Variants in NRXN3 observed in about 807,000 individuals in gnomAD.
NRXN3 encodes neurexin III.
Under a neutral mutation model 137.6 loss-of-function variants are expected in NRXN3, and 32 were observed. The observed-to-expected ratio is 0.23, with a 90% CI of 0.18 to 0.31. NRXN3 has a LOEUF of 0.31. Ranked by LOEUF, NRXN3 falls within the 10% of genes least tolerant of loss-of-function variation. The pLI, the probability that NRXN3 is intolerant of heterozygous loss-of-function variation, is 1.00. For synonymous variants in NRXN3, 798 were observed against 784.5 expected, an observed-to-expected ratio of 1.02 and a Z score of -0.29; for missense variants, 1,574 against 2,062.5, an observed-to-expected ratio of 0.76 and a Z score of 4.59.
intron 10 of NRXN3, among the ~76,000 whole-genome samples, chr14:78,948,078 TG>T (rs2152935043): frequency 6.6e-6 from 1 of 152,290 alleles, no homozygotes; most frequent in African/African-American, 2.4e-5. Context: ...TGAGTTCCCT[TG>T]AGAGCAAAGC....
intron 4 of NRXN3, among the ~76,000 whole-genome samples, chr14:78,574,169 G>C (rs547359497): frequency 2.8e-4 from 43 of 152,352 alleles, no homozygotes; most frequent in African/African-American, 9.9e-4. Flanking sequence ...GCAGATGTAT[G>C]GGAATGCCTG....
intron 3 of NRXN3, among the ~76,000 whole-genome samples, chr14:78,291,020 A>G (rs1455014234): frequency 6.6e-6 from 1 of 152,236 alleles, no homozygotes; most frequent in South Asian, 2.1e-4. Context: ...GAAGACAGCC[A>G]TTTAAAAGGG....
chr14:78,299,464 TC>T, intron 4 of NRXN3, among the ~76,000 whole-genome samples: 1 of 6,294 alleles, frequency 1.6e-4, no homozygotes, highest in Non-Finnish European at 2.8e-4. Flanking sequence ...AATAAGCCCC[TC>T]CTACATTCTT....
At chr14:79,190,333 C>T (rs1046123152) in intron 15 of NRXN3, among the ~76,000 whole-genome samples, 1 of 152,020 alleles carries the variant, frequency 6.6e-6, no homozygotes, top group Non-Finnish European at 1.5e-5. Flanking sequence ...GTATCTATAT[C>T]TACTCTCTTT....
At chr14:79,453,431 C>T (rs541348917) in intron 15 of NRXN3, among the ~76,000 whole-genome samples, 1 of 152,334 alleles carries the variant, frequency 6.6e-6, no homozygotes, top group Non-Finnish European at 1.5e-5. Flanking sequence ...CACATGCAGA[C>T]TATGTTTTTC....
chr14:79,166,997 T>A (rs1477606169), intron 15 of NRXN3, among the ~76,000 whole-genome samples: 1 of 152,000 alleles, frequency 6.6e-6, no homozygotes, highest in Non-Finnish European at 1.5e-5. Flanking sequence ...AGTGGTGTTA[T>A]CCCTGGTATA....
At chr14:79,852,279 A>ACACC (rs1185327083) in intron 20 of NRXN3, among the ~76,000 whole-genome samples, 1 of 140,456 alleles carries the variant, frequency 7.1e-6, no homozygotes, top group Non-Finnish European at 1.5e-5. Flanking sequence ...ACACACACAC[A>ACACC]CCTCTCACAT....
At chr14:79,853,788 C>T in intron 20 of NRXN3, 1 of 1,000,974 alleles carries the variant, frequency 1.0e-6, no homozygotes, top group Non-Finnish European at 1.2e-6. Flanking sequence ...ATATATATAT[C>T]TGAAAACTTA....
At chr14:78,885,562 AG>A (rs2099141308) in intron 10 of NRXN3, among the ~76,000 whole-genome samples, 1 of 152,140 alleles carries the variant, frequency 6.6e-6, no homozygotes, top group South Asian at 2.1e-4. Context: ...TTGCAGTAAC[AG>A]TCTACCAGTT....
At chr14:78,240,022 T>A (rs779403914) in intron 1 of NRXN3, among the ~76,000 whole-genome samples, 4 of 152,224 alleles carry the variant, frequency 2.6e-5, no homozygotes, top group Non-Finnish European at 5.9e-5. Flanking sequence ...TTACTTAAAT[T>A]TCACCTTCTC....
At chr14:78,378,839 A>T (rs2088443380) in intron 4 of NRXN3, among the ~76,000 whole-genome samples, 1 of 152,180 alleles carries the variant, frequency 6.6e-6, no homozygotes, top group South Asian at 2.1e-4. Context: ...TGAAACAAAT[A>T]AATGATTCCA....
chr14:79,839,811 A>C (rs1434388762), intron 20 of NRXN3, among the ~76,000 whole-genome samples: 1 of 152,214 alleles, frequency 6.6e-6, no homozygotes, highest in Non-Finnish European at 1.5e-5. Flanking sequence ...GAATCAAATC[A>C]TTCAGACCAA....
chr14:79,575,704 C>T (rs1395795196), intron 16 of NRXN3, among the ~76,000 whole-genome samples: 3 of 152,060 alleles, frequency 2.0e-5, no homozygotes, highest in Non-Finnish European at 4.4e-5. Context: ...TCCATCATTA[C>T]CCCTCAGTGA....
rs115532393 is a variant in NRXN3, at chr14:79,002,098, G to A, written c.3262+13957G>A. Among the ~76,000 whole-genome samples the A allele has an allele frequency of 2.1e-3, 324 of 152,310 alleles. 1 individual carries two copies. The highest frequency in any genetic ancestry group is 6.8e-3 in the African/African-American group (282 of 41,562). ...CTCTAGAGTAGGGGCTAACTGTGTAGAAGAGGTTGTGTGTGGGTCGTAGGG... is the reference window on the plus strand; with the variant it reads ...CTCTAGAGTAGGGGCTAACTGTGTAAAAGAGGTTGTGTGTGGGTCGTAGGG... On this transcript the variant is annotated intron_variant, in intron 15 of 20. Coordinates refer to ENST00000335750, the MANE Select transcript of NRXN3 (RefSeq NM_001330195.2).
At chr14:78,239,794 C>T (rs2066843570) in intron 1 of NRXN3, among the ~76,000 whole-genome samples, 1 of 152,146 alleles carries the variant, frequency 6.6e-6, no homozygotes, top group African/African-American at 2.4e-5. Context: ...GCAAACTCTG[C>T]ATCCCAGGTT....
At chr14:79,141,905 T>A (rs1393424893) in intron 15 of NRXN3, among the ~76,000 whole-genome samples, 2 of 152,158 alleles carry the variant, frequency 1.3e-5, no homozygotes, top group African/African-American at 4.8e-5. Context: ...TTTATGAAAA[T>A]GTCATAAACA....
intron 15 of NRXN3, among the ~76,000 whole-genome samples, chr14:79,038,541 AC>A (rs1225112057): frequency 6.6e-6 from 1 of 152,110 alleles, no homozygotes; most frequent in East Asian, 1.9e-4. Flanking sequence ...CTGTTTTTCC[AC>A]TTAAAATTGC....
At chr14:78,442,290 A>T (rs2094284938) in intron 4 of NRXN3, among the ~76,000 whole-genome samples, 1 of 151,448 alleles carries the variant, frequency 6.6e-6, no homozygotes, top group Non-Finnish European at 1.5e-5. Context: ...AGGAAAAAAA[A>T]AAAAAGAAAT....
At chr14:79,847,478 TGA>T (rs1203688445) in intron 20 of NRXN3, among the ~76,000 whole-genome samples, 1 of 152,216 alleles carries the variant, frequency 6.6e-6, no homozygotes, top group African/African-American at 2.4e-5. Flanking sequence ...CTGTGAAATT[TGA>T]GACAAGTCAC....
Sources: gnomAD v4.1 joint callset for allele counts (sites outside exome capture counted in the v4.1 genomes callset) on GRCh38, gnomAD v4.1.1 for gene constraint, MANE v1.5 for transcripts, NCBI Gene and HGNC (gene_info 2026-07-23, HGNC 2026-07-21) for gene names.